Variants in ATAD2B observed in about 807,000 individuals in gnomAD.
ATAD2B encodes the protein ATPase family AAA domain containing 2B, also known as ATPase family AAA domain-containing protein 2B.
Under a neutral mutation model 167.6 loss-of-function variants are expected in ATAD2B, and 40 were observed. That is an observed-to-expected ratio of 0.24 (90% CI 0.19 to 0.31). The LOEUF is 0.31. Among genes scored for constraint, ATAD2B ranks in the 10% least tolerant of loss-of-function variants. The pLI is 1.00. For synonymous variants in ATAD2B, 579 were observed against 596.5 expected, an observed-to-expected ratio of 0.97 and a Z score of 0.43; for missense variants, 1,242 against 1,757.2, an observed-to-expected ratio of 0.71 and a Z score of 5.24.
intron 18 of ATAD2B, chr2:23,809,020 G>C (rs1685104545): frequency 6.6e-6 from 1 of 152,044 alleles, no homozygotes; most frequent in African/African-American, 2.4e-5. Context: ...GTGGTTTTAA[G>C]ATACTTGCTG....
chr2:23,851,525 C>A (rs779941586), intron 13 of ATAD2B, among the ~76,000 whole-genome samples: 1 of 152,140 alleles, frequency 6.6e-6, no homozygotes, highest in African/African-American at 2.4e-5. Context: ...GACTTTCATA[C>A]GTCCCCCGCC....
intron 21 of ATAD2B, among the ~76,000 whole-genome samples, chr2:23,784,551 ATCT>A (rs1004893065): frequency 1.3e-5 from 2 of 152,124 alleles, no homozygotes; most frequent in African/African-American, 4.8e-5. Flanking sequence ...AATCTGACAA[ATCT>A]TCTTTGATTA....
At chr2:23,814,933 G>A (rs1156975353) in intron 17 of ATAD2B, among the ~76,000 whole-genome samples, 1 of 151,906 alleles carries the variant, frequency 6.6e-6, no homozygotes, top group Non-Finnish European at 1.5e-5. Context: ...GCAGGCACCT[G>A]TAATCCCAGC....
At chr2:23,714,137 G>A in the ATAD2B span, among the ~76,000 whole-genome samples, 1 of 151,950 alleles carries the variant, frequency 6.6e-6, no homozygotes, top group Non-Finnish European at 1.5e-5. Context: ...GGAATTCTGA[G>A]GTCAACACAT....
chr2:23,798,036 TG>T, intron 19 of ATAD2B, 101 bp downstream of exon 19: 1 of 764,672 alleles, frequency 1.3e-6, no homozygotes, highest in Non-Finnish European at 2.0e-6. Flanking sequence ...ATATAAACCC[TG>T]GCAGTATTAA....
the ATAD2B span, among the ~76,000 whole-genome samples, chr2:23,729,278 C>A: frequency 1.3e-5 from 2 of 152,216 alleles, no homozygotes; most frequent in Non-Finnish European, 2.9e-5. Context: ...AAGATCAGAC[C>A]AAACCAGAAT....
At position 23,887,973 on chromosome 2, in the gene ATAD2B, T is replaced by C; in HGVS notation, c.431A>G (p.His144Arg). 1.3e-6 allele frequency: 2 copies of C among 1,594,640 alleles called. No individual in the cohort carries two copies. The highest frequency in any genetic ancestry group is 2.3e-5 in the East Asian group (1 of 43,528). ...NGHSGLSLRS[H>R]PLRGEKKGDG... ...TCCCTTCTTTTCCCCTCGAAGGGGA[T>C]GGCTTCGAAGGGCTACAAGAAGAGA... The change falls in exon 4 of 28, where the codon CAT becomes CGT. Residue 144 changes from histidine to arginine, a missense_variant. Transcript: ENST00000238789.
Position 23,751,552 on chromosome 2 carries a change from T to C in ATAD2B, c.*494A>G, listed in dbSNP as rs902781938. 1 of 154,532 alleles carries C rather than the reference T, an allele frequency of 6.5e-6. No homozygotes were observed. The highest frequency in any genetic ancestry group is 2.4e-5 in the African/African-American group (1 of 41,394). The allele number at this position is 154,532 out of a possible 1,614,324, so 9.6% of individuals were successfully genotyped here. A position where few individuals can be genotyped will look rare whatever the true frequency, so the allele number is the denominator to read the frequency against. ...TTCAGCTTCCCACCAGAACAGACCA[T>C]AGCCAACTCTAAAACAGGTTTCAGT... On this transcript the variant is annotated 3_prime_UTR_variant, in exon 28 of 28. Coordinates refer to ENST00000238789, the MANE Select transcript of ATAD2B (RefSeq NM_017552.4).
Position 23,823,587 on chromosome 2 carries a change from A to G in ATAD2B, c.1820-18T>C. 1 of 1,597,382 alleles carries G rather than the reference A, an allele frequency of 6.3e-7. No homozygotes were observed. The highest frequency in any genetic ancestry group is 8.6e-7 in the Non-Finnish European group (1 of 1,169,262). On this transcript the variant is annotated intron_variant, in intron 15 of 27. Transcript: ENST00000238789. ...ACAGTAGCCTAATACACAAAAGGAG[A>G]AGGATAGCAAAGGTACATTCATTAT...
chr2:23,882,911 C>T (rs753710662), intron 6 of ATAD2B, among the ~76,000 whole-genome samples: 112 of 151,828 alleles, frequency 7.4e-4, no homozygotes, highest in Non-Finnish European at 1.4e-3. Flanking sequence ...ACTGTCAATA[C>T]AACACAATCA....
At chr2:23,754,077 G>A (rs1675670826) in intron 27 of ATAD2B, 102 bp downstream of exon 27, 1 of 906,690 alleles carries the variant, frequency 1.1e-6, no homozygotes, top group Non-Finnish European at 1.5e-6. Context: ...TCAGCTACTT[G>A]GTAAAAGACA....
At chr2:23,684,583 C>T in the ATAD2B span, 118 of 1,487,158 alleles carry the variant, frequency 7.9e-5, no homozygotes, top group Non-Finnish European at 9.2e-5. The surrounding 1 kb of genome is among the most constrained non-coding windows in gnomAD (Gnocchi z 4.4). Context: ...CTTTGTAGGA[C>T]GCTTTTGTGT....
intron 12 of ATAD2B, 84 bp downstream of exon 12, chr2:23,863,297 A>T: frequency 7.4e-7 from 1 of 1,348,758 alleles, no homozygotes; most frequent in Non-Finnish European, 1.0e-6. Flanking sequence ...TGGGTAACAG[A>T]GAGAGGCCCT....
the ATAD2B span, chr2:23,695,495 A>G: frequency 8.7e-6 from 6 of 693,084 alleles, no homozygotes; most frequent in African/African-American, 1.8e-5. The surrounding 1 kb of genome is among the most constrained non-coding windows in gnomAD (Gnocchi z 7.6). Context: ...CTAGCAGAGT[A>G]TCTACACTCC....
downstream of ATAD2B, among the ~76,000 whole-genome samples, chr2:23,744,346 C>T (rs913735734): frequency 1.2e-3 from 180 of 151,208 alleles, no homozygotes; most frequent in African/African-American, 3.9e-3. Context: ...TTATAACAAG[C>T]CTTCTAGAAC....
intron 17 of ATAD2B, among the ~76,000 whole-genome samples, chr2:23,819,114 G>T (rs76466819): frequency 6.6e-6 from 1 of 152,188 alleles, no homozygotes; most frequent in East Asian, 1.9e-4. Context: ...TAAAGAAAAA[G>T]CAATAAAGTT....
the ATAD2B span, among the ~76,000 whole-genome samples, chr2:23,709,919 G>C: frequency 6.6e-6 from 1 of 152,190 alleles, no homozygotes; most frequent in Non-Finnish European, 1.5e-5. Flanking sequence ...GGTCTACGAA[G>C]AGTCTGTGTA....
chr2:23,830,864 A>C (rs549468140), intron 14 of ATAD2B, among the ~76,000 whole-genome samples: 29 of 152,220 alleles, frequency 1.9e-4, no homozygotes, highest in Non-Finnish European at 2.6e-4. Context: ...ACATGTAAAA[A>C]AAAAATTATG....
chr2:23,741,148 AT>A, the ATAD2B span, among the ~76,000 whole-genome samples: 1 of 151,550 alleles, frequency 6.6e-6, no homozygotes, highest in Non-Finnish European at 1.5e-5. Context: ...TATAGATTCA[AT>A]GCCATCCCAA....
Sources: gnomAD v4.1 joint callset for allele counts (sites outside exome capture counted in the v4.1 genomes callset) on GRCh38, gnomAD v4.1.1 for gene constraint, Gnocchi (gnomAD v3.1) non-coding constraint, MANE v1.5 for transcripts, NCBI Gene and HGNC (gene_info 2026-07-23, HGNC 2026-07-21) for gene names.